The following PTPRJ variants were observed in gnomAD, a reference collection of about 807,000 sequenced individuals.
The protein encoded by PTPRJ is receptor-type tyrosine-protein phosphatase eta.
A neutral mutation model predicts 141.3 loss-of-function variants in PTPRJ; 129 were observed. That is an observed-to-expected ratio of 0.91 (90% CI 0.79 to 1.06). The LOEUF is 1.06. Ranked by LOEUF, PTPRJ falls within the 50% of genes least tolerant of loss-of-function variation. PTPRJ has a pLI of 0.00. For synonymous variants in PTPRJ, 610 were observed against 640.5 expected (o/e 0.95, Z 0.72); for missense variants, 1,601 against 1,679.7 (o/e 0.95, Z 0.82).
At chr11:48,154,950 C>T (rs1019199948) in intron 19 of PTPRJ, among the ~76,000 whole-genome samples, 1 of 152,072 alleles carries the variant, frequency 6.6e-6, no homozygotes, top group African/African-American at 2.4e-5. Context: ...GGCTGAGACT[C>T]AGGTCAGTAC....
rs200738897 is a variant in PTPRJ at position 48,130,410 on chromosome 11, C to T, written c.1358-49C>T. ...ATTTTCTGAGGTGGGGCATCCCTGT[C>T]TCCTGGAGAAGTATATTTTTAATCT... On this transcript the variant is annotated intron_variant, in intron 7 of 24. Transcript: ENST00000418331. 9 of 1,546,794 alleles carry T rather than the reference C, an allele frequency of 5.8e-6. 1 individual carries two copies. The South Asian group carries it at 1.1e-4, about 19-fold the overall frequency.
intron 1 of PTPRJ, among the ~76,000 whole-genome samples, chr11:48,028,259 T>C (rs923518593): frequency 1.6e-4 from 25 of 152,340 alleles, no homozygotes; most frequent in Non-Finnish European, 3.7e-4. Flanking sequence ...GAGCACTACC[T>C]GTCCCCCTAA....
intron 1 of PTPRJ, among the ~76,000 whole-genome samples, chr11:48,103,599 T>C (rs1856209210): frequency 1.3e-5 from 2 of 152,212 alleles, no homozygotes; most frequent in Admixed American, 1.3e-4. Flanking sequence ...TGATTATACA[T>C]CAATTATGTT....
At chr11:48,141,385 G>A (rs1857226128) in intron 11 of PTPRJ, among the ~76,000 whole-genome samples, 1 of 151,890 alleles carries the variant, frequency 6.6e-6, no homozygotes, top group African/African-American at 2.4e-5. Context: ...TCCTGTGGGG[G>A]CTTTTCTGGT....
In PTPRJ at chr11:48,107,128, G is replaced by A. The variant is rs116262628; in HGVS notation, c.97-2930G>A. On this transcript the variant is annotated intron_variant, in intron 1 of 24. Coordinates refer to ENST00000418331, the MANE Select transcript of PTPRJ (RefSeq NM_002843.4). ...GTGGACCACTGATGTCATAGCTGCAGGTTTGGCTGAATTGGGATGGTGCAG... is the reference window on the plus strand; with the variant it reads ...GTGGACCACTGATGTCATAGCTGCAAGTTTGGCTGAATTGGGATGGTGCAG... 9.9e-3 allele frequency among the ~76,000 whole-genome samples: 1,507 copies of A among 152,128 alleles called. 23 individuals carry two copies. Among genetic ancestry groups the A allele is most frequent in the African/African-American group, 0.034 (1,422 of 41,492 alleles).
intron 1 of PTPRJ, among the ~76,000 whole-genome samples, chr11:48,036,846 G>C (rs537699453): frequency 6.6e-6 from 1 of 152,160 alleles, no homozygotes; most frequent in Non-Finnish European, 1.5e-5. Context: ...GCTCCACACC[G>C]GTGAGCTGCT....
chr11:48,126,617 C>G (rs916805568), intron 6 of PTPRJ, among the ~76,000 whole-genome samples: 13 of 151,946 alleles, frequency 8.6e-5, no homozygotes, highest in South Asian at 2.1e-4. Flanking sequence ...GGCGTGGTTT[C>G]TCTCCAGCCT....
chr11:47,983,570 C>T (rs187529045), intron 1 of PTPRJ, among the ~76,000 whole-genome samples: 5 of 152,324 alleles, frequency 3.3e-5, no homozygotes, highest in Admixed American at 2.0e-4. Context: ...ACTGGCATCT[C>T]ATTCCCCTTT....
intron 1 of PTPRJ, among the ~76,000 whole-genome samples, chr11:47,991,270 G>A (rs1030554949): frequency 1.3e-5 from 2 of 152,090 alleles, no homozygotes; most frequent in Non-Finnish European, 2.9e-5. Flanking sequence ...GATATTGACT[G>A]TGTCCCTTAA....
chr11:48,047,140 T>A (rs558603404), intron 1 of PTPRJ, among the ~76,000 whole-genome samples: 25 of 152,036 alleles, frequency 1.6e-4, no homozygotes, highest in Admixed American at 5.2e-4. Flanking sequence ...GGTCTTGAAC[T>A]CCTGACCTCA....
chr11:48,135,170 CTTTTT>C (rs36040052), intron 8 of PTPRJ, among the ~76,000 whole-genome samples: 44 of 86,772 alleles, frequency 5.1e-4, no homozygotes, highest in South Asian at 2.1e-3. Flanking sequence ...CCTTGAAGGG[CTTTTT>C]TTTTTTTTTT....
chr11:48,008,306 G>C (rs1373123232), intron 1 of PTPRJ, among the ~76,000 whole-genome samples: 1 of 152,206 alleles, frequency 6.6e-6, no homozygotes, highest in Non-Finnish European at 1.5e-5. Context: ...TGTGGCCCAG[G>C]CTGGAGTGCA....
chr11:48,098,461 A>G (rs1438711606), intron 1 of PTPRJ, among the ~76,000 whole-genome samples: 1 of 151,862 alleles, frequency 6.6e-6, no homozygotes, highest in African/African-American at 2.4e-5. Context: ...CACAGCCTTG[A>G]CCACCAGGCA....
chr11:48,094,333 T>C (rs1221007764), intron 1 of PTPRJ, among the ~76,000 whole-genome samples: 1 of 152,232 alleles, frequency 6.6e-6, no homozygotes, highest in Non-Finnish European at 1.5e-5. Flanking sequence ...ATTATCTTTT[T>C]TTAGCGAATG....
chr11:48,106,045 C>T lies in PTPRJ; in HGVS notation c.97-4013C>T, dbSNP rs574359183. On this transcript the variant is annotated intron_variant, in intron 1 of 24. Coordinates refer to ENST00000418331, the MANE Select transcript of PTPRJ (RefSeq NM_002843.4). Reference sequence around the variant, plus strand: ...CCCTCATTGAGTGTGTCATCTGCTCCAGCTAGGATATTGGCTAATACCGCA... The same window carrying T: ...CCCTCATTGAGTGTGTCATCTGCTCTAGCTAGGATATTGGCTAATACCGCA... Among the ~76,000 whole-genome samples the T allele has an allele frequency of 1.3e-4, 20 of 152,296 alleles. 1 individual carries two copies. The highest frequency in any genetic ancestry group is 6.8e-3 in the Middle Eastern group (2 of 294).
At chr11:48,113,113 T>C in intron 3 of PTPRJ, 130 bp downstream of exon 3, 1 of 672,750 alleles carries the variant, frequency 1.5e-6, no homozygotes, top group South Asian at 2.1e-5. Flanking sequence ...TTTATAAAGA[T>C]AGTAATGCAT....
chr11:48,111,254 T>C (rs1856430700), intron 2 of PTPRJ, among the ~76,000 whole-genome samples: 1 of 119,698 alleles, frequency 8.4e-6, no homozygotes, highest in Non-Finnish European at 1.6e-5. Context: ...CACTCCAGCC[T>C]GGGCAACAAG....
chr11:48,130,416 G>A, intron 7 of PTPRJ, 43 bp from the exon 8 acceptor site: 1 of 1,562,606 alleles, frequency 6.4e-7, no homozygotes, highest in Non-Finnish European at 8.7e-7. Flanking sequence ...CTGTCTCCTG[G>A]AGAAGTATAT....
chr11:48,150,853 A>T (rs1271512965), intron 18 of PTPRJ, among the ~76,000 whole-genome samples: 1 of 152,128 alleles, frequency 6.6e-6, no homozygotes, highest in Non-Finnish European at 1.5e-5. Flanking sequence ...TGCTCTCTTG[A>T]AATCCTGCTC....
Sources: gnomAD v4.1 joint callset for allele counts (sites outside exome capture counted in the v4.1 genomes callset) on GRCh38, gnomAD v4.1.1 for gene constraint, MANE v1.5 for transcripts, NCBI Gene and HGNC (gene_info 2026-07-23, HGNC 2026-07-21) for gene names.